LARP1B: variants seen among roughly 807,000 people sequenced by gnomAD.
LARP1B encodes La ribonucleoprotein 1B, also known as la-related protein 1B.
Under a neutral mutation model 114.2 loss-of-function variants are expected in LARP1B, and 76 were observed. The observed-to-expected ratio is 0.67, with a 90% confidence interval of 0.55 to 0.81. LARP1B has a LOEUF of 0.81. Ranked by LOEUF, LARP1B falls within the 30% of genes least tolerant of loss-of-function variation. The pLI is 0.00. For missense variants in LARP1B, 1,014 were observed against 1,075.8 expected, an observed-to-expected ratio of 0.94 and a Z score of 0.80; for synonymous variants, 345 against 348.0, an observed-to-expected ratio of 0.99 and a Z score of 0.10.
intron 12 of LARP1B, among the ~76,000 whole-genome samples, chr4:128,166,597 C>A (rs1740918442): frequency 6.6e-6 from 1 of 151,634 alleles, no homozygotes; most frequent in Admixed American, 6.6e-5. Context: ...CACCTAAAAT[C>A]TCTCTTAGCA....
intron 11 of LARP1B, among the ~76,000 whole-genome samples, chr4:128,125,765 A>G (rs1474920893): frequency 1.2e-4 from 18 of 152,118 alleles, no homozygotes; most frequent in African/African-American, 4.3e-4. Flanking sequence ...AAACAAAAAC[A>G]AAAACAAAAC....
intron 11 of LARP1B, among the ~76,000 whole-genome samples, chr4:128,127,592 G>A (rs888224714): frequency 1.3e-5 from 2 of 152,174 alleles, no homozygotes; most frequent in African/African-American, 2.4e-5. Context: ...CCAGCACTTC[G>A]GGAGGCCGAG....
intron 15 of LARP1B, among the ~76,000 whole-genome samples, chr4:128,184,954 A>G (rs1263492429): frequency 6.6e-6 from 1 of 152,160 alleles, no homozygotes; most frequent in Non-Finnish European, 1.5e-5. Context: ...GTATGTGTGT[A>G]TGTTTATGTA....
In LARP1B at chr4:128,178,615, T is replaced by C. The variant is rs771491626; in HGVS notation, c.1869T>C (p.Val623=). The C allele has an allele frequency of 2.5e-6, 4 of 1,613,900 alleles. No homozygotes were observed. Among genetic ancestry groups the C allele is most frequent in the Non-Finnish European group, 8.5e-7 (1 of 1,179,948 alleles). ...PNKTPRFYPV[V]KEPKAIDVKS... ...AAACACCAAGATTTTATCCTGTTGT[T>C]AAAGAACCAAAAGCCATTGATGTAA... The change falls in exon 14 of 20, where the codon GTT becomes GTC. Residue 623 remains valine (V), a synonymous_variant. Coordinates refer to ENST00000326639, the MANE Select transcript of LARP1B (RefSeq NM_018078.4).
At chr4:128,121,129 A>G (rs1787828183) in intron 10 of LARP1B, among the ~76,000 whole-genome samples, 1 of 152,134 alleles carries the variant, frequency 6.6e-6, no homozygotes, top group Non-Finnish European at 1.5e-5. Context: ...ACATTTTAAC[A>G]TTTGCTGAAT....
intron 11 of LARP1B, among the ~76,000 whole-genome samples, chr4:128,158,110 C>T (rs988465157): frequency 4.6e-5 from 7 of 152,074 alleles, no homozygotes; most frequent in African/African-American, 1.7e-4. Flanking sequence ...AGTTTCATTG[C>T]CTTAGAAGAT....
chr4:128,212,671 A>AAACAAC (rs1454415317), downstream of LARP1B, among the ~76,000 whole-genome samples: 74 of 151,884 alleles, frequency 4.9e-4, no homozygotes, highest in South Asian at 4.4e-3. Flanking sequence ...ACAAAAACAA[A>AAACAAC]AAACAAACAA....
At chr4:128,178,750 A>G (rs1002719788) in intron 14 of LARP1B, 108 bp downstream of exon 14, 20 of 857,400 alleles carry the variant, frequency 2.3e-5, no homozygotes, top group Non-Finnish European at 3.4e-5. Context: ...TATAACTTGT[A>G]ATATTTCACT....
In LARP1B at chr4:128,093,709, CTT is replaced by C. The variant is rs561778078; in HGVS notation, c.668+2214_668+2215del. ...AAATGGTTGAGGGGTTTTTTTTAAA[CTT>C]TTTTTTTTTTTTTTTTGAAATGGAG... On this transcript the variant is annotated intron_variant, in intron 7 of 19. Coordinates refer to ENST00000326639, the MANE Select transcript of LARP1B (RefSeq NM_018078.4). Among the ~76,000 whole-genome samples the C allele has an allele frequency of 5.4e-3, 665 of 122,682 alleles. 2 individuals are homozygous for C. The highest frequency in any genetic ancestry group is 0.023 in the Middle Eastern group (5 of 214). 80.5% of individuals were successfully genotyped at this position (122,682 alleles called of 152,430 possible).
chr4:128,162,382 A>G, intron 12 of LARP1B, 65 bp downstream of exon 12: 1 of 1,382,568 alleles, frequency 7.2e-7, no homozygotes, highest in Non-Finnish European at 9.8e-7. Context: ...TTGTTTTTAA[A>G]AATTGCTCCT....
chr4:128,202,305 C>T lies in LARP1B; in HGVS notation c.2309+1640C>T, dbSNP rs535939599. ...TTCAAACTGTGGTTTGCTACCTATTCGTCAATTGTAAAATCAATTGAGTGG... is the reference window on the plus strand; with the variant it reads ...TTCAAACTGTGGTTTGCTACCTATTTGTCAATTGTAAAATCAATTGAGTGG... On this transcript the variant is annotated intron_variant, in intron 17 of 19. Coordinates refer to ENST00000326639, the MANE Select transcript of LARP1B (RefSeq NM_018078.4). 2.4e-4 allele frequency among the ~76,000 whole-genome samples: 36 copies of T among 152,206 alleles called. No individual in the cohort carries two copies. In the South Asian group the frequency reaches 3.9e-3, roughly 17 times the overall value.
chr4:128,201,531 T>C (rs957234383), intron 17 of LARP1B, among the ~76,000 whole-genome samples: 2 of 152,232 alleles, frequency 1.3e-5, no homozygotes. Context: ...AGTCCTGTAG[T>C]ACTCTGGGCA....
At chr4:128,141,623 C>T (rs1463333384) in intron 11 of LARP1B, among the ~76,000 whole-genome samples, 1 of 152,146 alleles carries the variant, frequency 6.6e-6, no homozygotes. Flanking sequence ...ACTTAACACT[C>T]CTCACTGGTG....
intron 6 of LARP1B, among the ~76,000 whole-genome samples, chr4:128,220,164 T>G (rs2150987034): frequency 6.6e-6 from 1 of 152,278 alleles, no homozygotes; most frequent in African/African-American, 2.4e-5. Context: ...TGATTACAGG[T>G]GTGAGCCACT....
intron 11 of LARP1B, among the ~76,000 whole-genome samples, chr4:128,159,521 G>T (rs1737421708): frequency 6.6e-6 from 1 of 152,194 alleles, no homozygotes; most frequent in South Asian, 2.1e-4. Context: ...AAATTGAGCA[G>T]AAGATAGATT....
chr4:128,188,644 A>C (rs4975239), intron 15 of LARP1B, among the ~76,000 whole-genome samples: 89,996 of 152,018 alleles, frequency 0.59, 27,746 homozygotes, highest in Middle Eastern at 0.8. Flanking sequence ...TTGCTATAAA[A>C]TTCTCTCTTA....
At chr4:128,101,919 G>T (rs1780476675) in intron 8 of LARP1B, among the ~76,000 whole-genome samples, 1 of 152,102 alleles carries the variant, frequency 6.6e-6, no homozygotes, top group Non-Finnish European at 1.5e-5. Context: ...ATTATTGTAT[G>T]CCTTTTTGGT....
chr4:128,219,024 G>C (rs1759757373), intron 6 of LARP1B, among the ~76,000 whole-genome samples: 1 of 128,344 alleles, frequency 7.8e-6, no homozygotes, highest in Non-Finnish European at 1.6e-5. Flanking sequence ...CATTTATGCA[G>C]CCAAAAAACA....
chr4:128,111,797 T>C (rs1316546748), intron 9 of LARP1B, among the ~76,000 whole-genome samples: 3 of 151,964 alleles, frequency 2.0e-5, no homozygotes, highest in African/African-American at 7.2e-5. Flanking sequence ...TTTTCCTGCC[T>C]CATCCTCCCA....
Sources: gnomAD v4.1 joint callset for allele counts (sites outside exome capture counted in the v4.1 genomes callset) on GRCh38, gnomAD v4.1.1 for gene constraint, MANE v1.5 for transcripts, NCBI Gene and HGNC (gene_info 2026-07-23, HGNC 2026-07-21) for gene names.